The following HSD3B1 variants were observed in gnomAD, a reference collection of about 807,000 sequenced individuals.
HSD3B1 encodes hydroxy-delta-5-steroid dehydrogenase, 3 beta- and steroid delta-isomerase 1, also known as 3 beta-hydroxysteroid dehydrogenase/Delta 5-->4-isomerase type 1.
HSD3B1 carries 11 observed loss-of-function variants against 10.4 expected under a neutral mutation model. The ratio of observed to expected loss-of-function variants is 1.05; its 90% CI spans 0.66 to 1.75. The LOEUF is 1.75. Among genes scored for constraint, HSD3B1 ranks in the 40% most tolerant of loss-of-function variants. HSD3B1 has a pLI of 0.00. For missense variants in HSD3B1, 490 were observed against 454.5 expected (o/e 1.08, Z -0.71); for synonymous variants, 217 against 185.4 (o/e 1.17, Z -1.39).
At chr1:119,509,663 C>T (rs895453643) in intron 2 of HSD3B1, among the ~76,000 whole-genome samples, 3 of 152,172 alleles carry the variant, frequency 2.0e-5, no homozygotes, top group Non-Finnish European at 2.9e-5. Context: ...ACTCCAGGAC[C>T]TTCTTGGAGT....
intron 2 of HSD3B1, 98 bp from the exon 3 acceptor site, chr1:119,511,405 C>G (rs921243063): frequency 8.0e-7 from 1 of 1,242,884 alleles, no homozygotes; most frequent in African/African-American, 1.5e-5. Flanking sequence ...ACACCCTACT[C>G]TAACCATCCT....
chr1:119,509,902 C>A (rs957777628), intron 2 of HSD3B1, among the ~76,000 whole-genome samples: 1 of 152,142 alleles, frequency 6.6e-6, no homozygotes, highest in African/African-American at 2.4e-5. Context: ...AACAGCCAGT[C>A]CTGCACCTGG....
intron 3 of HSD3B1, among the ~76,000 whole-genome samples, chr1:119,512,715 G>A (rs74537648): frequency 0.025 from 3,857 of 152,272 alleles, 182 homozygotes; most frequent in African/African-American, 0.088. Flanking sequence ...TGAAATGACA[G>A]GGGAAGTGTT....
At chr1:119,511,386 T>G in intron 2 of HSD3B1, 117 bp from the exon 3 acceptor site, 1 of 922,926 alleles carries the variant, frequency 1.1e-6, no homozygotes, top group Non-Finnish European at 1.7e-6. Flanking sequence ...ATGTACACCC[T>G]CCACTCTAAC....
Position 119,514,552 on chromosome 1 carries a change from C to G in HSD3B1, c.1029C>G (p.Leu343=), listed in dbSNP as rs991749306. The change falls in exon 4 of 4, where the codon CTC becomes CTG. Residue 343 remains leucine (L), a synonymous_variant. Coordinates refer to ENST00000369413, the MANE Select transcript of HSD3B1 (RefSeq NM_000862.3). The part of the protein sequence containing the change: ...KAQRDLAYKP[L]YSWEEAKQKT... ...AGCGAGATCTGGCGTATAAGCCACT[C>G]TACAGCTGGGAGGAAGCCAAGCAGA... 9 of 1,613,870 alleles carry G rather than the reference C, an allele frequency of 5.6e-6. No individual in the cohort carries two copies. The highest frequency in any genetic ancestry group is 7.6e-6 in the Non-Finnish European group (9 of 1,179,996).
chr1:119,510,500 T>C (rs1653900541), intron 2 of HSD3B1, among the ~76,000 whole-genome samples: 1 of 151,916 alleles, frequency 6.6e-6, no homozygotes, highest in African/African-American at 2.4e-5. Flanking sequence ...GGTCTGAAAT[T>C]CAAACCTGGT....
At chr1:119,509,951 T>C (rs1234853898) in intron 2 of HSD3B1, among the ~76,000 whole-genome samples, 1 of 152,196 alleles carries the variant, frequency 6.6e-6, no homozygotes, top group African/African-American at 2.4e-5. Flanking sequence ...TGGGCGTGTT[T>C]AAGCCTTCAC....
In HSD3B1 at chr1:119,507,234, C is replaced by T. The variant is rs1653810479; in HGVS notation, c.-114C>T. ...TGAGGTGAGAAGTACGTCCACTCTT[C>T]TGTCCAGCTTTTAACAATCTAACTA... On this transcript the variant is annotated 5_prime_UTR_variant, in exon 1 of 4. Transcript: ENST00000369413. 2.1e-6 allele frequency: 1 copy of T among 485,780 alleles called. No homozygotes were observed. The highest frequency in any genetic ancestry group is 2.0e-5 in the African/African-American group (1 of 51,004). The allele number at this position is 485,780 out of a possible 1,614,324, so 30.1% of individuals were successfully genotyped here.
Position 119,514,351 on chromosome 1 carries a change from C to G in HSD3B1, c.828C>G (p.Phe276Leu). The G allele has an allele frequency of 6.2e-7, 1 of 1,614,118 alleles. No individual in the cohort carries two copies. Among genetic ancestry groups the G allele is most frequent in the Non-Finnish European group, 8.5e-7 (1 of 1,180,012 alleles). The change falls in exon 4 of 4, where the codon TTC becomes TTG. Residue 276 changes from phenylalanine to leucine, a missense_variant. Coordinates refer to ENST00000369413, the MANE Select transcript of HSD3B1 (RefSeq NM_000862.3). ...DNLNYTLSKE[F>L]GLRLDSRWSF... ...TTAATTACACCCTGAGCAAAGAGTT[C>G]GGCCTCCGCCTTGATTCCAGATGGA... is the stretch of plus-strand genomic sequence containing the variant.
At position 119,514,082 on chromosome 1, in the gene HSD3B1, C is replaced by T; in HGVS notation, c.559C>T (p.Pro187Ser). 1.2e-6 allele frequency: 2 copies of T among 1,614,122 alleles called. No homozygotes were observed. The highest frequency in any genetic ancestry group is 1.3e-5 in the African/African-American group (1 of 75,042). The change falls in exon 4 of 4, where the codon CCC becomes TCC. Residue 187 changes from proline to serine, a missense_variant. By Grantham distance (74) the Pro-to-Ser change is moderately conservative. Transcript: ENST00000369413. ...CACCCTGTACACTTGTGCCTTACGA[C>T]CCATGTATATCTATGGGGAAGGAAG... ...GGTLYTCALR[P>S]MYIYGEGSRF...
intron 2 of HSD3B1, among the ~76,000 whole-genome samples, chr1:119,510,567 A>G (rs909824919): frequency 6.6e-6 from 1 of 151,694 alleles, no homozygotes; most frequent in African/African-American, 2.4e-5. Context: ...CCTCATCGAA[A>G]CTTTGGCACA....
chr1:119,507,400 A>G lies in HSD3B1; in HGVS notation c.-77A>G, dbSNP rs1653813995. On this transcript the variant is annotated 5_prime_UTR_variant, in exon 2 of 4. Coordinates refer to ENST00000369413, the MANE Select transcript of HSD3B1 (RefSeq NM_000862.3). ...TTGACATCTCTTTTTAGCCCTCTCCAGGGTCACCCTAGAATCAGATCTGCT... is the reference window on the plus strand; with the variant it reads ...TTGACATCTCTTTTTAGCCCTCTCCGGGGTCACCCTAGAATCAGATCTGCT... The G allele has an allele frequency of 8.7e-6, 13 of 1,493,518 alleles. No individual in the cohort carries two copies. The highest frequency in any genetic ancestry group is 1.4e-5 in the African/African-American group (1 of 72,432). The allele number at this position is 1,493,518 out of a possible 1,614,324, so 92.5% of individuals were successfully genotyped here. A position where few individuals can be genotyped will look rare whatever the true frequency, so the allele number is the denominator to read the frequency against.
At position 119,510,717 on chromosome 1, in the gene HSD3B1, CTTTTTTTTTTTTTTTTTTTTTT is replaced by C. The variant is rs962978657; in HGVS notation, c.146-770_146-749del. ...TTTTTGTTGTTGCTTGTGTGGTTTT[CTTTTTTTTTTTTTTTTTTTTTT>C]TTTTTTTTTTTTTTTGAGACAAGGT... is the stretch of plus-strand genomic sequence containing the variant. On this transcript the variant is annotated intron_variant, in intron 2 of 3. Coordinates refer to ENST00000369413, the MANE Select transcript of HSD3B1 (RefSeq NM_000862.3). 7.8e-4 allele frequency among the ~76,000 whole-genome samples: 42 copies of C among 54,166 alleles called. 1 individual carries two copies. Among genetic ancestry groups the C allele is most frequent in the South Asian group, 2.3e-3 (3 of 1,302 alleles). The allele number at this position is 54,166 out of a possible 152,430, so 35.5% of individuals were successfully genotyped here. A position where few individuals can be genotyped will look rare whatever the true frequency, so the allele number is the denominator to read the frequency against.
rs1654061157 is a variant in HSD3B1, at chr1:119,514,749, C to T, written c.*104C>T. On this transcript the variant is annotated 3_prime_UTR_variant, in exon 4 of 4. Coordinates refer to ENST00000369413, the MANE Select transcript of HSD3B1 (RefSeq NM_000862.3). ...AGTGACAAGGGCACAAGCTCAGGTC[C>T]TGCTGCCTCCCTTTCATACAATGGC... is the stretch of plus-strand genomic sequence containing the variant. 1.6e-6 allele frequency: 2 copies of T among 1,280,948 alleles called. No individual in the cohort carries two copies. The highest frequency in any genetic ancestry group is 3.9e-5 in the Admixed American group (2 of 50,804). 79.3% of individuals were successfully genotyped at this position (1,280,948 alleles called of 1,614,324 possible). A position where few individuals can be genotyped will look rare whatever the true frequency, so the allele number is the denominator to read the frequency against.
Position 119,507,527 on chromosome 1 carries a change from G to A in HSD3B1, c.51G>A (p.Gln17=). Residue 17 remains glutamine (Q), a synonymous_variant, in exon 2 of 4, where the codon CAG becomes CAA. Coordinates refer to ENST00000369413, the MANE Select transcript of HSD3B1 (RefSeq NM_000862.3). Reference sequence around the variant, plus strand: ...CAGGAGCAGGAGGGTTTCTGGGACAGAGGATCATCCGCCTCTTGGTGAAGG... The same window carrying A: ...CAGGAGCAGGAGGGTTTCTGGGACAAAGGATCATCCGCCTCTTGGTGAAGG... ...LVTGAGGFLG[Q]RIIRLLVKEK... The A allele has an allele frequency of 6.2e-7, 1 of 1,614,006 alleles. No homozygotes were observed. Among genetic ancestry groups the A allele is most frequent in the Non-Finnish European group, 8.5e-7 (1 of 1,179,922 alleles).
rs936524809 is a variant in HSD3B1 at position 119,514,951 on chromosome 1, G to C, written c.*306G>C. ...AACTTGAGGGTCGTTTTGACTACTA[G>C]AGCTCCATTTCTACTCTTAAATGAG... On this transcript the variant is annotated 3_prime_UTR_variant, in exon 4 of 4. Coordinates refer to ENST00000369413, the MANE Select transcript of HSD3B1 (RefSeq NM_000862.3). The C allele has an allele frequency of 1.3e-4, 49 of 385,126 alleles. No homozygotes were observed. The highest frequency in any genetic ancestry group is 9.2e-4 in the African/African-American group (45 of 49,082). The allele number at this position is 385,126 out of a possible 1,614,324, so 23.9% of individuals were successfully genotyped here. A position where few individuals can be genotyped will look rare whatever the true frequency, so the allele number is the denominator to read the frequency against.
chr1:119,514,646 T>A lies in HSD3B1; in HGVS notation c.*1T>A. 1 of 1,613,524 alleles carries A rather than the reference T, an allele frequency of 6.2e-7. No homozygotes were observed. Among genetic ancestry groups the A allele is most frequent in the Non-Finnish European group, 8.5e-7 (1 of 1,179,782 alleles). ...GACCCTGAAGTCCAAGACTCAGTGA[T>A]TTAAGGATGACAGAGATGTGCATGT... On this transcript the variant is annotated 3_prime_UTR_variant, in exon 4 of 4. Transcript: ENST00000369413.
In HSD3B1 at chr1:119,514,132, C is replaced by G; in HGVS notation, c.609C>G (p.Asn203Lys). Reference sequence around the variant, plus strand: ...GCCGATTCCTTTCTGCTAGTATAAACGAGGCCCTGAACAACAATGGGATCC... The same window carrying G: ...GCCGATTCCTTTCTGCTAGTATAAAGGAGGCCCTGAACAACAATGGGATCC... ...EGSRFLSASI[N>K]EALNNNGILS... Residue 203 changes from asparagine to lysine, a missense_variant, in exon 4 of 4, where the codon AAC becomes AAG. Physicochemically the swap from Asn to Lys is moderately conservative, Grantham distance 94 (BLOSUM62 0). Coordinates refer to ENST00000369413, the MANE Select transcript of HSD3B1 (RefSeq NM_000862.3). 6.2e-7 allele frequency: 1 copy of G among 1,614,020 alleles called. No homozygotes were observed. Among genetic ancestry groups the G allele is most frequent in the East Asian group, 2.2e-5 (1 of 44,860 alleles).
chr1:119,511,730 G>T (rs1653945672), intron 3 of HSD3B1, 63 bp downstream of exon 3: 2 of 1,404,182 alleles, frequency 1.4e-6, no homozygotes, highest in South Asian at 1.2e-5. Context: ...AGAAGGGCAG[G>T]AAGGGAAGAG....
Sources: gnomAD v4.1 joint callset for allele counts (sites outside exome capture counted in the v4.1 genomes callset) on GRCh38, gnomAD v4.1.1 for gene constraint, MANE v1.5 for transcripts, NCBI Gene and HGNC (gene_info 2026-07-23, HGNC 2026-07-21) for gene names.